Variants in SCN3A observed in about 807,000 individuals in gnomAD.
SCN3A encodes sodium voltage-gated channel alpha subunit 3.
In SCN3A, 60 loss-of-function variants were observed where a neutral mutation model predicts 187.6. That is an observed-to-expected ratio of 0.32 (90% CI 0.26 to 0.40). SCN3A has a LOEUF of 0.40. Among genes scored for constraint, SCN3A ranks in the 10% least tolerant of loss-of-function variants. The probability of loss-of-function intolerance (pLI) is 1.00; values close to 1 mark genes in which losing one functional copy is unlikely to be tolerated. For synonymous variants in SCN3A, 788 were observed against 829.2 expected (o/e 0.95, Z 0.85); for missense variants, 1,601 against 2,428.2 (o/e 0.66, Z 7.16).
intron 12 of SCN3A, among the ~76,000 whole-genome samples, chr2:165,146,439 C>CAT (rs1366758605): frequency 1.0e-4 from 14 of 140,278 alleles, no homozygotes; most frequent in South Asian, 9.3e-4. Flanking sequence ...TATATACACA[C>CAT]ATATATATAT....
intron 18 of SCN3A, among the ~76,000 whole-genome samples, chr2:165,118,078 T>A (rs551614606): frequency 6.6e-6 from 1 of 152,318 alleles, no homozygotes; most frequent in African/African-American, 2.4e-5. Context: ...GGTTGTATTT[T>A]TTTGTTATTG....
At chr2:165,095,405 A>G (rs1333867107) in intron 25 of SCN3A, 106 bp downstream of exon 25, 8 of 1,191,654 alleles carry the variant, frequency 6.7e-6, no homozygotes, top group Non-Finnish European at 6.1e-6. Context: ...TGAAAATAAT[A>G]TAAACATGAT....
chr2:165,100,929 A>G (rs1685576797), intron 21 of SCN3A, among the ~76,000 whole-genome samples: 1 of 152,204 alleles, frequency 6.6e-6, no homozygotes, highest in Non-Finnish European at 1.5e-5. Context: ...TGTTCTCTTA[A>G]CATGTCTAAC....
intron 15 of SCN3A, among the ~76,000 whole-genome samples, chr2:165,132,997 A>G (rs961665649): frequency 3.3e-5 from 5 of 152,222 alleles, no homozygotes; most frequent in African/African-American, 4.8e-5. Context: ...TTCTCAAAAG[A>G]AGACATTTAT....
chr2:165,141,230 G>C (rs929245140), intron 12 of SCN3A, among the ~76,000 whole-genome samples: 1 of 152,120 alleles, frequency 6.6e-6, no homozygotes, highest in African/African-American at 2.4e-5. Flanking sequence ...AATTTACTAA[G>C]TATACAACCA....
intron 21 of SCN3A, among the ~76,000 whole-genome samples, chr2:165,111,376 T>C (rs1237478236): frequency 6.6e-6 from 1 of 151,976 alleles, no homozygotes; most frequent in East Asian, 1.9e-4. Flanking sequence ...ATGATAAAAA[T>C]CTTTTTGAAC....
intron 25 of SCN3A, 96 bp from the exon 26 acceptor site, chr2:165,094,574 G>T: frequency 1.2e-6 from 1 of 819,476 alleles, no homozygotes; most frequent in Admixed American, 1.9e-5. Flanking sequence ...TAATTTTTAA[G>T]TGGATATTAT....
intron 10 of SCN3A, among the ~76,000 whole-genome samples, chr2:165,155,438 C>T (rs528721581): frequency 6.6e-6 from 1 of 151,784 alleles, no homozygotes; most frequent in Admixed American, 6.6e-5. Context: ...CTTACTCTGT[C>T]ATCTAGGCTG....
rs1276559213 is a variant in SCN3A, at chr2:165,170,540, T to C, written c.273A>G (p.Ile91Met). 2 of 1,591,072 alleles carry C rather than the reference T, an allele frequency of 1.3e-6. No individual in the cohort carries two copies. The highest frequency in any genetic ancestry group is 1.7e-6 in the Non-Finnish European group (2 of 1,159,946). ...AAATTGCCTTTCCTTTATTCATTAC[T>C]ATAAAAGTCTGAAAAAGAAAATACG... The part of the protein sequence containing the change: ...DPYYINKKTF[I>M]VMNKGKAIFR... Residue 91 changes from isoleucine to methionine, a missense_variant, in exon 4 of 28, where the codon ATA (isoleucine) becomes ATG (methionine). Physicochemically the swap from Ile to Met is conservative, Grantham distance 10 (BLOSUM62 1). This residue lies in a region of SCN3A where 122 missense variants were observed against 225.1 expected (regional missense o/e 0.54). Coordinates refer to ENST00000283254, the MANE Select transcript of SCN3A (RefSeq NM_006922.4).
chr2:165,173,729 C>T (rs1236262153), intron 3 of SCN3A, among the ~76,000 whole-genome samples: 1 of 152,102 alleles, frequency 6.6e-6, no homozygotes, highest in African/African-American at 2.4e-5. Flanking sequence ...TTTTTAAATT[C>T]TAAAACTTCC....
chr2:165,169,730 T>C (rs1689992322), intron 4 of SCN3A, among the ~76,000 whole-genome samples: 1 of 151,916 alleles, frequency 6.6e-6, no homozygotes, highest in South Asian at 2.1e-4. Flanking sequence ...CTATACAAAA[T>C]TCCCATTCTT....
chr2:165,141,268 T>C (rs1415211008), intron 12 of SCN3A, among the ~76,000 whole-genome samples: 1 of 152,168 alleles, frequency 6.6e-6, no homozygotes, highest in African/African-American at 2.4e-5. Context: ...TTTAGGTGGA[T>C]TGGGTTATCA....
chr2:165,095,769 G>T (rs1415199772), intron 24 of SCN3A, 121 bp from the exon 25 acceptor site: 4 of 562,156 alleles, frequency 7.1e-6, no homozygotes, highest in Non-Finnish European at 9.2e-6. Context: ...CTGAGATATT[G>T]TTCTACAAAA....
rs1202695035 is a variant in SCN3A, at chr2:165,130,175, A to T, written c.2687T>A (p.Phe896Tyr). 16 of 1,614,190 alleles carry T rather than the reference A, an allele frequency of 9.9e-6. No individual in the cohort carries two copies. Among genetic ancestry groups the T allele is most frequent in the Non-Finnish European group, 1.0e-5 (12 of 1,180,026 alleles). ...TLVLAIIVFI[F>Y]AVVGMQLFGK... ...AAAGAGCTGCATGCCGACCACAGCA[A>T]AAATGAAGACGATGATGGCCAACAC... Residue 896 changes from phenylalanine (F) to tyrosine (Y), a missense_variant, in exon 17 of 28, where the codon TTT becomes TAT. By Grantham distance (22) the Phe-to-Tyr change is conservative. Coordinates refer to ENST00000283254, the MANE Select transcript of SCN3A (RefSeq NM_006922.4).
intron 21 of SCN3A, among the ~76,000 whole-genome samples, chr2:165,110,158 C>T (rs1686049944): frequency 1.3e-5 from 2 of 152,286 alleles, no homozygotes; most frequent in East Asian, 1.9e-4. Flanking sequence ...CTGCCTTTAT[C>T]TTATCTTTAG....
intron 24 of SCN3A, among the ~76,000 whole-genome samples, 196 bp downstream of exon 24, chr2:165,096,271 C>T (rs1042758926): frequency 1.2e-4 from 18 of 152,080 alleles, no homozygotes; most frequent in Non-Finnish European, 2.4e-4. Flanking sequence ...AGCTAGATAT[C>T]GTTTCATATT....
chr2:165,176,639 A>G (rs960197358), intron 2 of SCN3A, among the ~76,000 whole-genome samples, 195 bp from the exon 3 acceptor site: 2 of 152,190 alleles, frequency 1.3e-5, no homozygotes, highest in Admixed American at 6.5e-5. Context: ...TCATAAATCT[A>G]TCAAAAGTCT....
At chr2:165,100,219 G>A (rs1685539619) in intron 22 of SCN3A, 83 bp downstream of exon 22, 8 of 1,448,574 alleles carry the variant, frequency 5.5e-6, no homozygotes, top group East Asian at 2.3e-5. Context: ...ATAAATATCA[G>A]AAGAGTATGG....
intron 2 of SCN3A, among the ~76,000 whole-genome samples, chr2:165,184,483 G>GAA (rs397986547): frequency 2.4e-4 from 14 of 59,518 alleles, no homozygotes; most frequent in Non-Finnish European, 4.0e-4. Context: ...GTCTAGTTCA[G>GAA]AAAAAAAAAA....
Sources: gnomAD v4.1 joint callset for allele counts (sites outside exome capture counted in the v4.1 genomes callset) on GRCh38, gnomAD v4.1.1 for gene constraint, gnomAD v4.1.1 regional missense constraint, MANE v1.5 for transcripts, NCBI Gene and HGNC (gene_info 2026-07-23, HGNC 2026-07-21) for gene names.